The following DOCK4 variants were observed in gnomAD, a reference collection of about 807,000 sequenced individuals.
DOCK4 encodes dedicator of cytokinesis 4.
Under a neutral mutation model 268.1 loss-of-function variants are expected in DOCK4, and 97 were observed. That is an observed-to-expected ratio of 0.36 (90% CI 0.31 to 0.43). DOCK4 has a LOEUF of 0.43. Among genes scored for constraint, DOCK4 ranks in the 20% least tolerant of loss-of-function variants. The probability of loss-of-function intolerance (pLI) is 1.00; values close to 1 mark genes in which losing one functional copy is unlikely to be tolerated. For synonymous variants in DOCK4, 954 were observed against 887.2 expected (o/e 1.08, Z -1.34); for missense variants, 2,145 against 2,455.7 (o/e 0.87, Z 2.67).
At chr7:111,800,232 A>AC (rs1049617365) in intron 30 of DOCK4, among the ~76,000 whole-genome samples, 2 of 152,032 alleles carry the variant, frequency 1.3e-5, no homozygotes, top group African/African-American at 4.8e-5. Context: ...CTAAAAAAAA[A>AC]AAAACAGCAA....
intron 22 of DOCK4, among the ~76,000 whole-genome samples, chr7:111,867,703 G>A (rs1490440356): frequency 1.3e-5 from 2 of 152,166 alleles, no homozygotes; most frequent in Non-Finnish European, 2.9e-5. Context: ...GTGACAGCAT[G>A]TCCAGTCGTC....
At chr7:112,130,505 C>T (rs1364882282) in intron 1 of DOCK4, among the ~76,000 whole-genome samples, 1 of 152,144 alleles carries the variant, frequency 6.6e-6, no homozygotes, top group African/African-American at 2.4e-5. Flanking sequence ...ATGCTTTTGT[C>T]AGTTGTTTTT....
chr7:111,927,275 C>T (rs1352697170), intron 12 of DOCK4, among the ~76,000 whole-genome samples: 1 of 152,182 alleles, frequency 6.6e-6, no homozygotes, highest in Non-Finnish European at 1.5e-5. Context: ...AATTTCAAAG[C>T]TTTGGGAAAG....
At chr7:111,899,219 A>C (rs1261577470) in intron 15 of DOCK4, among the ~76,000 whole-genome samples, 7 of 152,218 alleles carry the variant, frequency 4.6e-5, no homozygotes. Flanking sequence ...CAAAAGATAA[A>C]GTCCTCCTTC....
At chr7:111,958,242 A>G (rs1796588284) in intron 8 of DOCK4, among the ~76,000 whole-genome samples, 1 of 152,186 alleles carries the variant, frequency 6.6e-6, no homozygotes, top group African/African-American at 2.4e-5. Flanking sequence ...AAACATCTAG[A>G]TGATGAGTGG....
At chr7:112,192,856 G>A (rs1820097164) in intron 1 of DOCK4, among the ~76,000 whole-genome samples, 1 of 151,776 alleles carries the variant, frequency 6.6e-6, no homozygotes, top group Non-Finnish European at 1.5e-5. Flanking sequence ...ATGCCCTTAT[G>A]CTTGTCACTA....
intron 13 of DOCK4, among the ~76,000 whole-genome samples, chr7:111,914,756 C>T (rs1056943962): frequency 2.6e-5 from 4 of 152,210 alleles, no homozygotes; most frequent in Non-Finnish European, 5.9e-5. Flanking sequence ...TTCACCTGAG[C>T]ATTCATCATC....
At chr7:111,780,511 A>G (rs190514641) in intron 35 of DOCK4, among the ~76,000 whole-genome samples, 2 of 152,220 alleles carry the variant, frequency 1.3e-5, no homozygotes, top group Non-Finnish European at 2.9e-5. Flanking sequence ...CAAAACAAGC[A>G]ATCACTCTAA....
intron 23 of DOCK4, among the ~76,000 whole-genome samples, chr7:111,851,957 CCTTT>C (rs1205945930): frequency 2.8e-5 from 4 of 143,300 alleles, no homozygotes; most frequent in Non-Finnish European, 4.5e-5. Context: ...CTCTCTCCTT[CCTTT>C]TTTTTTTTTT....
At chr7:111,736,538 T>C (rs1795491800) in intron 50 of DOCK4, among the ~76,000 whole-genome samples, 1 of 152,160 alleles carries the variant, frequency 6.6e-6, no homozygotes, top group Non-Finnish European at 1.5e-5. Context: ...GAATGAGCTT[T>C]GTAAGGGAGA....
At chr7:112,158,551 A>G (rs1816819032) in intron 1 of DOCK4, among the ~76,000 whole-genome samples, 1 of 152,324 alleles carries the variant, frequency 6.6e-6, no homozygotes, top group Non-Finnish European at 1.5e-5. Flanking sequence ...ATATACTTAC[A>G]GTATTGCATT....
chr7:111,940,692 G>A (rs1431993763), intron 10 of DOCK4, among the ~76,000 whole-genome samples: 4 of 152,214 alleles, frequency 2.6e-5, no homozygotes, highest in African/African-American at 7.2e-5. Context: ...AGTAAGCACA[G>A]GTGATCAAAT....
chr7:111,953,114 G>C (rs531304618), intron 8 of DOCK4, among the ~76,000 whole-genome samples: 1 of 151,686 alleles, frequency 6.6e-6, no homozygotes, highest in Non-Finnish European at 1.5e-5. Flanking sequence ...GTGATCCCAA[G>C]TACTCAGGAG....
intron 1 of DOCK4, among the ~76,000 whole-genome samples, chr7:112,144,423 C>A (rs1274971168): frequency 6.6e-6 from 1 of 152,276 alleles, no homozygotes; most frequent in South Asian, 2.1e-4. Flanking sequence ...GGCCCATACT[C>A]GGGAACAGTT....
intron 23 of DOCK4, among the ~76,000 whole-genome samples, chr7:111,851,735 G>A (rs1335291830): frequency 6.6e-6 from 1 of 151,354 alleles, no homozygotes; most frequent in Non-Finnish European, 1.5e-5. Flanking sequence ...GTAAAACGAG[G>A]CTAGCAATGG....
chr7:111,983,851 C>T (rs557692627), intron 7 of DOCK4, among the ~76,000 whole-genome samples: 923 of 81,420 alleles, frequency 0.011, 6 homozygotes, highest in Non-Finnish European at 0.014. Context: ...CACACGCGCG[C>T]GCGCGCGCGC....
At chr7:111,832,078 C>T (rs1348473845) in intron 26 of DOCK4, among the ~76,000 whole-genome samples, 3 of 152,140 alleles carry the variant, frequency 2.0e-5, no homozygotes, top group African/African-American at 4.8e-5. Context: ...CTGGGAAATA[C>T]ACATAAACAA....
intron 1 of DOCK4, among the ~76,000 whole-genome samples, chr7:112,189,312 T>C (rs1472403166): frequency 6.6e-6 from 1 of 151,746 alleles, no homozygotes; most frequent in East Asian, 1.9e-4. Flanking sequence ...TGGTGGGAAA[T>C]TTTTGTTACA....
At chr7:112,106,882 G>GA (rs57557892) in intron 1 of DOCK4, among the ~76,000 whole-genome samples, 17 of 151,874 alleles carry the variant, frequency 1.1e-4, no homozygotes, top group Non-Finnish European at 2.4e-4. Context: ...GTCTGAAGGG[G>GA]AAAAAAAAGC....
Sources: gnomAD v4.1 joint callset for allele counts (sites outside exome capture counted in the v4.1 genomes callset) on GRCh38, gnomAD v4.1.1 for gene constraint, MANE v1.5 for transcripts, NCBI Gene and HGNC (gene_info 2026-07-23, HGNC 2026-07-21) for gene names.